SNX29: variants seen among roughly 807,000 people sequenced by gnomAD.
SNX29 encodes sorting nexin-29.
In SNX29, 78 loss-of-function variants were observed where a neutral mutation model predicts 102.1. The ratio of observed to expected loss-of-function variants is 0.76; its 90% confidence interval spans 0.64 to 0.92. The LOEUF (loss-of-function observed/expected upper bound fraction) is 0.92. Ranked by LOEUF, SNX29 falls within the 40% of genes least tolerant of loss-of-function variation. The pLI, the probability that SNX29 is intolerant of heterozygous loss-of-function variation, is 0.00. For missense variants in SNX29, 1,280 were observed against 1,061.7 expected, an observed-to-expected ratio of 1.21 and a Z score of -2.86; for synonymous variants, 580 against 414.5, an observed-to-expected ratio of 1.40 and a Z score of -4.85.
Position 12,046,436 on chromosome 16 carries a change from C to G in SNX29, c.481C>G (p.Leu161Val), listed in dbSNP as rs1267589076. ...GATGGATGAAGAAAGGTCCAGTATG[C>G]TTCCTACCATGGCAGCAGGTAAGCC... is the stretch of plus-strand genomic sequence containing the variant. The part of the protein sequence containing the change: ...FVMDEERSSM[L>V]PTMAAGLNSI... Residue 161 changes from leucine (L) to valine (V), a missense_variant, in exon 6 of 21, where the codon CTT (leucine) becomes GTT (valine). Physicochemically the swap from Leu to Val is conservative, Grantham distance 32. Coordinates refer to ENST00000566228, the MANE Select transcript of SNX29 (RefSeq NM_032167.5). The G allele has an allele frequency of 2.1e-5, 34 of 1,613,828 alleles. No homozygotes were observed. The highest frequency in any genetic ancestry group is 2.8e-5 in the Non-Finnish European group (33 of 1,179,778).
At chr16:12,046,321 C>A in intron 5 of SNX29, 63 bp from the exon 6 acceptor site, 2 of 1,559,724 alleles carry the variant, frequency 1.3e-6, no homozygotes, top group Non-Finnish European at 1.8e-6. Flanking sequence ...AATGGAATTT[C>A]CTGGTTAATG....
rs745971152 is a variant in SNX29 at position 12,571,933 on chromosome 16, GAC to G, written c.*3307_*3308del. ...CTACTGGCAGGCCCTGGTGAAGGAA[GAC>G]ACTTTCAGGGAAGAGGCTCTTACAG... On this transcript the variant is annotated 3_prime_UTR_variant, in exon 21 of 21. Coordinates refer to ENST00000566228, the MANE Select transcript of SNX29 (RefSeq NM_032167.5). 2.8e-6 allele frequency: 3 copies of G among 1,061,988 alleles called. No homozygotes were observed. The highest frequency in any genetic ancestry group is 1.6e-5 in the African/African-American group (1 of 60,852). The allele number at this position is 1,061,988 out of a possible 1,614,324, so 65.8% of individuals were successfully genotyped here.
At chr16:12,439,268 G>C (rs1188795065) in intron 18 of SNX29, among the ~76,000 whole-genome samples, 2 of 22,706 alleles carry the variant, frequency 8.8e-5, no homozygotes, top group Admixed American at 3.8e-4. Context: ...CCATGACCTG[G>C]TGACAAGATA....
At chr16:12,293,794 C>T (rs751430144) in intron 15 of SNX29, among the ~76,000 whole-genome samples, 1 of 152,210 alleles carries the variant, frequency 6.6e-6, no homozygotes, top group Non-Finnish European at 1.5e-5. Context: ...TTTTGGAAAG[C>T]TGCAGATATC....
rs769181347 is a variant in SNX29 at position 12,568,503 on chromosome 16, C to G, written c.2319-3C>G. On this transcript the variant is annotated splice_polypyrimidine_tract_variant and splice_region_variant and intron_variant, in intron 20 of 20. Transcript: ENST00000566228. ...TAACCCGATTCTCTCCCTGCTCTTT[C>G]AGCGACATCACCCCGCCCGGAGAGC... 2 of 1,609,690 alleles carry G rather than the reference C, an allele frequency of 1.2e-6. No homozygotes were observed. The highest frequency in any genetic ancestry group is 2.2e-5 in the East Asian group (1 of 44,864).
rs772202549 is a variant in SNX29, at chr16:12,078,935, C to T, written c.1402+20C>T. The T allele has an allele frequency of 1.9e-6, 3 of 1,577,150 alleles. No homozygotes were observed. The highest frequency in any genetic ancestry group is 2.3e-5 in the East Asian group (1 of 43,368). On this transcript the variant is annotated intron_variant, in intron 11 of 20. Transcript: ENST00000566228. The stretch of plus-strand genomic sequence containing the variant: ...CAATTAGTAAGTACTTTCGCAGCCC[C>T]CTCCACCAGCTCTGGGATGACTTCT...
chr16:12,462,016 TACACACAC>T (rs375061825), intron 18 of SNX29, among the ~76,000 whole-genome samples: 17 of 65,192 alleles, frequency 2.6e-4, no homozygotes, highest in Admixed American at 4.2e-4. Context: ...TATATATGTA[TACACACAC>T]ACACACACAC....
chr16:12,487,253 A>G (rs2088289645), intron 19 of SNX29, among the ~76,000 whole-genome samples: 1 of 152,060 alleles, frequency 6.6e-6, no homozygotes, highest in Admixed American at 6.6e-5. Context: ...GTGCGTTCTC[A>G]TCCCCAGCGA....
chr16:12,479,453 C>G (rs933130232), intron 19 of SNX29, among the ~76,000 whole-genome samples: 1 of 152,172 alleles, frequency 6.6e-6, no homozygotes, highest in Admixed American at 6.5e-5. Flanking sequence ...GAAACCTGAT[C>G]ACGCCAAGGT....
intron 19 of SNX29, among the ~76,000 whole-genome samples, chr16:12,503,566 G>A (rs2089227316): frequency 6.6e-6 from 1 of 152,206 alleles, no homozygotes; most frequent in South Asian, 2.1e-4. Context: ...GACTAGCAAA[G>A]TCGTGAGAGG....
At chr16:11,989,923 G>A (rs896406125) in intron 1 of SNX29, among the ~76,000 whole-genome samples, 2 of 152,214 alleles carry the variant, frequency 1.3e-5, no homozygotes, top group African/African-American at 4.8e-5. Flanking sequence ...CTTTGATGAT[G>A]TAGCCCTTTT....
intron 20 of SNX29, among the ~76,000 whole-genome samples, chr16:12,555,699 A>G (rs1644638329): frequency 6.6e-6 from 1 of 151,904 alleles, no homozygotes; most frequent in South Asian, 2.1e-4. Flanking sequence ...CCGATACTCT[A>G]CGAGATTCTC....
chr16:12,482,060 C>G (rs1418300263), intron 19 of SNX29, among the ~76,000 whole-genome samples: 1 of 152,148 alleles, frequency 6.6e-6, no homozygotes, highest in Non-Finnish European at 1.5e-5. Flanking sequence ...CTCACTGGGC[C>G]TAATAACTCA....
chr16:12,531,498 T>TG (rs2076931574), intron 20 of SNX29, among the ~76,000 whole-genome samples: 2 of 152,074 alleles, frequency 1.3e-5, no homozygotes, highest in Non-Finnish European at 2.9e-5. Flanking sequence ...AGAGGGGACG[T>TG]GGGGCCCCAC....
chr16:12,298,296 T>A (rs1052866771), intron 15 of SNX29, among the ~76,000 whole-genome samples: 1 of 152,200 alleles, frequency 6.6e-6, no homozygotes, highest in African/African-American at 2.4e-5. Flanking sequence ...ATGATGATGA[T>A]GACAGTGACA....
chr16:12,268,656 G>T (rs996676315), intron 14 of SNX29, among the ~76,000 whole-genome samples: 3 of 152,090 alleles, frequency 2.0e-5, no homozygotes, highest in Admixed American at 6.6e-5. Flanking sequence ...ATGGGACCTG[G>T]GCATACCTCA....
Position 12,002,912 on chromosome 16 carries a change from A to T in SNX29, c.70-79A>T, listed in dbSNP as rs898385662. On this transcript the variant is annotated intron_variant, in intron 2 of 20. Coordinates refer to ENST00000566228, the MANE Select transcript of SNX29 (RefSeq NM_032167.5). ...TCCCGTGTCCCCTCCCTGACCCTTA[A>T]GCCCTGTGTAGGCTGTTTTATGACG... 5.8e-6 allele frequency: 9 copies of T among 1,551,078 alleles called. No homozygotes were observed. In the East Asian group the frequency reaches 1.8e-4, roughly 31 times the overall value.
chr16:12,562,667 C>G (rs896200542), intron 20 of SNX29, among the ~76,000 whole-genome samples: 2 of 152,156 alleles, frequency 1.3e-5, no homozygotes, highest in Non-Finnish European at 2.9e-5. Flanking sequence ...TCGGGAAAGT[C>G]TAGATTTACA....
intron 3 of SNX29, among the ~76,000 whole-genome samples, chr16:12,010,861 G>T (rs2056624734): frequency 6.6e-6 from 1 of 152,046 alleles, no homozygotes; most frequent in African/African-American, 2.4e-5. Flanking sequence ...TCTTAATGCA[G>T]TTGAAAACTG....
Sources: allele counts gnomAD v4.1 joint callset (sites outside exome capture counted in the v4.1 genomes callset), GRCh38; gene constraint gnomAD v4.1.1; transcripts MANE v1.5; gene names NCBI Gene and HGNC (gene_info 2026-07-23, HGNC 2026-07-21).